The following COL4A1 variants were observed in gnomAD, a reference collection of about 807,000 sequenced individuals.
COL4A1 encodes collagen type IV alpha 1 chain.
COL4A1 carries 40 observed loss-of-function variants against 216.6 expected under a neutral mutation model. The ratio of observed to expected loss-of-function variants is 0.18; its 90% CI spans 0.14 to 0.24. COL4A1 has a LOEUF of 0.24. Ranked by LOEUF, COL4A1 falls within the 10% of genes least tolerant of loss-of-function variation. The pLI is 1.00. For missense variants in COL4A1, 1,628 were observed against 2,196.8 expected, an observed-to-expected ratio of 0.74 and a Z score of 5.18; for synonymous variants, 839 against 810.7, an observed-to-expected ratio of 1.03 and a Z score of -0.59.
At chr13:110,241,439 G>A (rs989825549) in intron 2 of COL4A1, among the ~76,000 whole-genome samples, 3 of 152,140 alleles carry the variant, frequency 2.0e-5, no homozygotes, top group Non-Finnish European at 4.4e-5. Flanking sequence ...TCATTTTAAG[G>A]ACATTTTTAT....
Position 110,306,975 on chromosome 13 carries a change from A to T in COL4A1, c.53T>A (p.Leu18His), listed in dbSNP as rs1356449792. The T allele has an allele frequency of 4.1e-6, 6 of 1,476,852 alleles. No individual in the cohort carries two copies. The highest frequency in any genetic ancestry group is 8.9e-7 in the Non-Finnish European group (1 of 1,119,416). 91.5% of individuals were successfully genotyped at this position (1,476,852 alleles called of 1,614,324 possible). A position where few individuals can be genotyped will look rare whatever the true frequency, so the allele number is the denominator to read the frequency against. ...WLLLLPAALLLHEEHSRAAAK... is the reference protein window; with the variant it reads ...WLLLLPAALLHHEEHSRAAAK... ...AGCGGCCCGGCTGTGCTCCTCGTGG[A>T]GCAGAAGGGCGGCGGGCAGCAGCAG... The change falls in exon 1 of 52, where the codon CTC becomes CAC. Residue 18 changes from leucine to histidine, a missense_variant. By Grantham distance (99) the Leu-to-His change is moderately conservative. Around this residue, in one of 8 missense-constraint regions of COL4A1, gnomAD observed 74 missense variants for 61.7 expected, o/e 1.20. Transcript: ENST00000375820.
chr13:110,165,410 C>T (rs1877289417), intron 45 of COL4A1, among the ~76,000 whole-genome samples: 1 of 152,176 alleles, frequency 6.6e-6, no homozygotes, highest in Admixed American at 6.5e-5. Flanking sequence ...TATAGTATCA[C>T]ACTGGTCCTG....
intron 2 of COL4A1, among the ~76,000 whole-genome samples, chr13:110,226,665 T>C (rs1183581905): frequency 1.3e-5 from 2 of 152,230 alleles, no homozygotes; most frequent in African/African-American, 4.8e-5. Flanking sequence ...ACTATTAGCC[T>C]AACCTCATTA....
At chr13:110,214,412 C>T (rs1879971885) in intron 2 of COL4A1, among the ~76,000 whole-genome samples, 1 of 152,026 alleles carries the variant, frequency 6.6e-6, no homozygotes, top group African/African-American at 2.4e-5. Context: ...TTTTAGGTGC[C>T]AAGTTGACTG....
At position 110,183,289 on chromosome 13, in the gene COL4A1, A is replaced by G. The variant is rs1183815937; in HGVS notation, c.1898-13T>C. ...TCACCCTTTGGACCTAGAGGAAAAA[A>G]AGAGCAAAGACAAACGATGAAGGAA... On this transcript the variant is annotated splice_polypyrimidine_tract_variant and intron_variant, in intron 26 of 51. Transcript: ENST00000375820. The G allele has an allele frequency of 4.3e-6, 7 of 1,610,184 alleles. No homozygotes were observed. Among genetic ancestry groups the G allele is most frequent in the Non-Finnish European group, 5.9e-6 (7 of 1,178,106 alleles).
intron 2 of COL4A1, among the ~76,000 whole-genome samples, chr13:110,216,319 G>A (rs189086955): frequency 3.0e-4 from 46 of 152,306 alleles, no homozygotes; most frequent in African/African-American, 1.1e-3. Context: ...CCTGCTGTAA[G>A]GAGTTACAGT....
chr13:110,303,591 A>G (rs1884576521), intron 1 of COL4A1, among the ~76,000 whole-genome samples: 1 of 152,244 alleles, frequency 6.6e-6, no homozygotes, highest in African/African-American at 2.4e-5. Flanking sequence ...GCACATGGAA[A>G]TGACATGCTG....
At chr13:110,258,433 G>A (rs559058592) in intron 1 of COL4A1, among the ~76,000 whole-genome samples, 11 of 152,174 alleles carry the variant, frequency 7.2e-5, no homozygotes, top group Middle Eastern at 3.4e-3. Context: ...CCAGATACTC[G>A]GGCGGCTAAG....
rs767641915 is a variant in COL4A1 at position 110,198,488 on chromosome 13, G to T, written c.1264C>A (p.Pro422Thr). 1.2e-6 allele frequency: 2 copies of T among 1,613,414 alleles called. No individual in the cohort carries two copies. The highest frequency in any genetic ancestry group is 3.3e-5 in the Admixed American group (2 of 59,976). Residue 422 changes from proline to threonine, a missense_variant, in exon 21 of 52, where the codon CCT (proline) becomes ACT (threonine). Transcript: ENST00000375820. ...LPGPPGSPGP[P>T]GQPGYTNGIV... ...TCACTTGTGTAGCCAGGCTGCCCAG[G>T]GGGCCCAGGGGAACCAGGAGGACCC...
chr13:110,193,770 C>G (rs1878752693), intron 22 of COL4A1, among the ~76,000 whole-genome samples: 1 of 152,196 alleles, frequency 6.6e-6, no homozygotes, highest in Non-Finnish European at 1.5e-5. Context: ...AGTGTGGGAG[C>G]AGGCACATGG....
chr13:110,225,751 C>T (rs896064136), intron 2 of COL4A1, among the ~76,000 whole-genome samples: 1 of 152,152 alleles, frequency 6.6e-6, no homozygotes, highest in Non-Finnish European at 1.5e-5. Context: ...GAGCTCCGGG[C>T]GCCCTGCTTT....
intron 30 of COL4A1, 73 bp downstream of exon 30, chr13:110,179,198 T>C: frequency 1.9e-6 from 3 of 1,594,056 alleles, no homozygotes; most frequent in African/African-American, 2.7e-5. Flanking sequence ...ATATACTCGG[T>C]AGGGGCTCTG....
chr13:110,201,227 G>A (rs1879178355), intron 19 of COL4A1, among the ~76,000 whole-genome samples: 1 of 148,614 alleles, frequency 6.7e-6, no homozygotes, highest in Non-Finnish European at 1.5e-5. Context: ...AGAAAGCGTG[G>A]GGAGAGAGAG....
At chr13:110,260,317 G>A (rs1264102684) in intron 1 of COL4A1, among the ~76,000 whole-genome samples, 1 of 152,174 alleles carries the variant, frequency 6.6e-6, no homozygotes, top group Non-Finnish European at 1.5e-5. Context: ...TTCGCTACCA[G>A]GAGAACAGTA....
At chr13:110,195,166 C>T (rs1878831016) in intron 21 of COL4A1, 48 bp from the exon 22 acceptor site, 2 of 1,510,454 alleles carry the variant, frequency 1.3e-6, no homozygotes, top group African/African-American at 2.7e-5. Context: ...GGTGTTTTTA[C>T]CCTCTCCTAA....
chr13:110,265,803 G>T (rs972701815), intron 1 of COL4A1: 1 of 152,226 alleles, frequency 6.6e-6, no homozygotes, highest in South Asian at 2.1e-4. Context: ...TCCTGAAGAT[G>T]ATGTGGCAGT....
At chr13:110,271,080 G>C (rs1297614094) in intron 1 of COL4A1, among the ~76,000 whole-genome samples, 1 of 152,172 alleles carries the variant, frequency 6.6e-6, no homozygotes, top group Admixed American at 6.5e-5. Context: ...ACAATTCATA[G>C]AATAAAACCA....
chr13:110,211,351 C>T lies in COL4A1; in HGVS notation c.468+296G>A, dbSNP rs1240421040. Reference sequence around the variant, plus strand: ...GGAAGTCTGAGAGGCACCCAGGGAGCCCCATTCTCCCATCTGCCTCCCCAG... The same window carrying T: ...GGAAGTCTGAGAGGCACCCAGGGAGTCCCATTCTCCCATCTGCCTCCCCAG... On this transcript the variant is annotated intron_variant, in intron 8 of 51. Transcript: ENST00000375820. This position sits in a 1 kb window ranked among gnomAD's most constrained non-coding sequence, Gnocchi z 4.3. 6.6e-6 allele frequency among the ~76,000 whole-genome samples: 1 copy of T among 152,234 alleles called. No homozygotes were observed. Among genetic ancestry groups the T allele is most frequent in the Non-Finnish European group, 1.5e-5 (1 of 68,036 alleles).
chr13:110,261,956 G>A (rs928762477), intron 1 of COL4A1, among the ~76,000 whole-genome samples: 2 of 152,230 alleles, frequency 1.3e-5, no homozygotes, highest in Non-Finnish European at 2.9e-5. Context: ...CACAGGGCAG[G>A]TGGGTCCCAG....
Sources: allele counts gnomAD v4.1 joint callset (sites outside exome capture counted in the v4.1 genomes callset), GRCh38; gene constraint gnomAD v4.1.1; regional missense constraint gnomAD v4.1.1; non-coding constraint Gnocchi (gnomAD v3.1); transcripts MANE v1.5; gene names NCBI Gene and HGNC (gene_info 2026-07-23, HGNC 2026-07-21).